HIP1: variants seen among roughly 807,000 people sequenced by gnomAD.
HIP1 encodes huntingtin-interacting protein 1.
Under a neutral mutation model 147.6 loss-of-function variants are expected in HIP1, and 65 were observed. That is an observed-to-expected ratio of 0.44 (90% confidence interval 0.36 to 0.54). The LOEUF (loss-of-function observed/expected upper bound fraction) is 0.54, where lower values mean the gene tolerates loss of function less well. Ranked by LOEUF, HIP1 falls within the 20% of genes least tolerant of loss-of-function variation. HIP1 has a pLI of 0.00. For synonymous variants in HIP1, 479 were observed against 504.0 expected (o/e 0.95, Z 0.67); for missense variants, 1,061 against 1,299.6 (o/e 0.82, Z 2.82).
chr7:75,583,345 G>T (rs930643172), intron 5 of HIP1, among the ~76,000 whole-genome samples: 49 of 152,172 alleles, frequency 3.2e-4, no homozygotes, highest in African/African-American at 1.1e-3. Context: ...CCTGGAGAAA[G>T]ACTCACAGCT....
intron 1 of HIP1, among the ~76,000 whole-genome samples, chr7:75,693,888 T>A (rs7803077): frequency 6.8e-6 from 1 of 147,784 alleles, no homozygotes; most frequent in South Asian, 2.1e-4. Context: ...GTGTGGCTCT[T>A]GAAAAGTTCA....
At chr7:75,600,564 T>G (rs1796938264) in intron 1 of HIP1, among the ~76,000 whole-genome samples, 1 of 152,184 alleles carries the variant, frequency 6.6e-6, no homozygotes, top group South Asian at 2.1e-4. Flanking sequence ...ATAACCCATG[T>G]TAAAAACCTG....
intron 1 of HIP1, among the ~76,000 whole-genome samples, chr7:75,698,794 G>A (rs919713037): frequency 6.6e-5 from 10 of 151,768 alleles, no homozygotes; most frequent in African/African-American, 2.4e-4. Flanking sequence ...ACTCCAGCCT[G>A]GATGACAGAG....
chr7:75,572,747 C>T (rs1380114594), intron 8 of HIP1, among the ~76,000 whole-genome samples: 2 of 152,188 alleles, frequency 1.3e-5, no homozygotes, highest in Non-Finnish European at 2.9e-5. Flanking sequence ...AGGAACCCTA[C>T]CTTCCCAGGT....
intron 4 of HIP1, among the ~76,000 whole-genome samples, chr7:75,588,086 G>A (rs1296696276): frequency 1.3e-5 from 2 of 152,148 alleles, no homozygotes; most frequent in East Asian, 3.8e-4. Context: ...CCTCCCTAAG[G>A]ACTATGAAGA....
At chr7:75,542,006 T>C (rs781797433) in intron 28 of HIP1, 26 bp from the exon 29 acceptor site, 2 of 1,601,654 alleles carry the variant, frequency 1.2e-6, no homozygotes. Flanking sequence ...CAAGAAGGTC[T>C]CATCAAATTC....
At position 75,547,610 on chromosome 7, in the gene HIP1, C is replaced by G. The variant is rs1026886956; in HGVS notation, c.2465+145G>C. 30 of 728,202 alleles carry G rather than the reference C, an allele frequency of 4.1e-5. No homozygotes were observed. In the Admixed American group the frequency reaches 4.6e-4, roughly 11 times the overall value. The allele number at this position is 728,202 out of a possible 1,614,324, so 45.1% of individuals were successfully genotyped here. On this transcript the variant is annotated intron_variant, in intron 24 of 30. Coordinates refer to ENST00000336926, the MANE Select transcript of HIP1 (RefSeq NM_005338.7). ...AGCAATATTGCTGTCATCATTAATACTGTTATTGATGATTACATCAACTCA... is the reference window on the plus strand; with the variant it reads ...AGCAATATTGCTGTCATCATTAATAGTGTTATTGATGATTACATCAACTCA...
At chr7:75,615,711 T>C (rs1037865924) in intron 1 of HIP1, among the ~76,000 whole-genome samples, 1 of 152,060 alleles carries the variant, frequency 6.6e-6, no homozygotes, top group Non-Finnish European at 1.5e-5. Flanking sequence ...AGGTGGAGGT[T>C]GCAGTTGAGC....
rs587654896 is a variant in HIP1 at position 75,534,578 on chromosome 7, C to T, written c.*3594G>A. The T allele has an allele frequency of 4.0e-5, 7 of 175,416 alleles. No individual in the cohort carries two copies. Among genetic ancestry groups the T allele is most frequent in the East Asian group, 9.9e-5 (1 of 10,122 alleles). 10.9% of individuals were successfully genotyped at this position (175,416 alleles called of 1,614,324 possible). ...CCTCCCCAGTAGCTGGGATTATAGG[C>T]GCCTGCCACCATGCCCGGCTAATTT... On this transcript the variant is annotated 3_prime_UTR_variant, in exon 31 of 31. Transcript: ENST00000336926.
At position 75,699,413 on chromosome 7, in the gene HIP1, G is replaced by T. The variant is rs373800472; in HGVS notation, c.120+39388C>A. On this transcript the variant is annotated intron_variant, in intron 1 of 30. Coordinates refer to ENST00000336926, the MANE Select transcript of HIP1 (RefSeq NM_005338.7). ...TTAATTCTAAGACCTTTTTTCCATC[G>T]ATCTCCTGGGTTTTCAGTGGATAGA... 2.0e-5 allele frequency among the ~76,000 whole-genome samples: 3 copies of T among 151,792 alleles called. No individual in the cohort carries two copies. The East Asian group carries it at 5.8e-4, about 29-fold the overall frequency.
In HIP1 at chr7:75,603,084, C is replaced by CG. The variant is rs1444483277; in HGVS notation, c.121-3838_121-3837insC. ...CTTCCCGGCCGGGCGCAGTGACTCA[C>CG]ACCTGTCATCCCAGCACTTTGAGAG... On this transcript the variant is annotated intron_variant, in intron 1 of 30. Transcript: ENST00000336926. Among the ~76,000 whole-genome samples, 569 of 118,172 alleles carry CG rather than the reference C, an allele frequency of 4.8e-3. 5 individuals are homozygous for CG. The highest frequency in any genetic ancestry group is 0.02 in the African/African-American group (539 of 26,978). 77.5% of individuals were successfully genotyped at this position (118,172 alleles called of 152,430 possible).
At chr7:75,724,494 C>T (rs1443018854) in intron 1 of HIP1, among the ~76,000 whole-genome samples, 2 of 152,016 alleles carry the variant, frequency 1.3e-5, no homozygotes, top group Non-Finnish European at 2.9e-5. Context: ...GTGATCTGCC[C>T]GCCTTGCCCT....
At chr7:75,575,032 C>T (rs1222324111) in intron 7 of HIP1, among the ~76,000 whole-genome samples, 1 of 152,090 alleles carries the variant, frequency 6.6e-6, no homozygotes, top group African/African-American at 2.4e-5. Flanking sequence ...ATGGCTCACG[C>T]CTGTAATCCC....
chr7:75,722,023 G>A (rs892343666), intron 1 of HIP1, among the ~76,000 whole-genome samples: 6 of 152,232 alleles, frequency 3.9e-5, no homozygotes, highest in Admixed American at 1.3e-4. Flanking sequence ...ATAACTGCAC[G>A]CTAGGCGTGG....
intron 1 of HIP1, among the ~76,000 whole-genome samples, chr7:75,719,231 G>T (rs1008133918): frequency 2.6e-5 from 4 of 152,044 alleles, no homozygotes; most frequent in Non-Finnish European, 5.9e-5. Context: ...TAGGCCGGGC[G>T]TGGTGGCTCA....
At chr7:75,692,142 C>G (rs540907296) in intron 1 of HIP1, among the ~76,000 whole-genome samples, 4 of 152,180 alleles carry the variant, frequency 2.6e-5, no homozygotes, top group Non-Finnish European at 5.9e-5. Flanking sequence ...TTGTCTCCCC[C>G]CGTCCCAATT....
At chr7:75,589,510 C>A (rs587730056) in intron 4 of HIP1, among the ~76,000 whole-genome samples, 1 of 151,682 alleles carries the variant, frequency 6.6e-6, no homozygotes, top group Admixed American at 6.6e-5. Flanking sequence ...CATGGCAAAA[C>A]CGTGTCTCCA....
At chr7:75,712,705 C>T (rs1554520210) in intron 1 of HIP1, among the ~76,000 whole-genome samples, 1 of 152,162 alleles carries the variant, frequency 6.6e-6, no homozygotes, top group Non-Finnish European at 1.5e-5. Flanking sequence ...CACTCATTTA[C>T]TCACTCTGTC....
At chr7:75,651,731 T>A (rs2117189234) in intron 1 of HIP1, among the ~76,000 whole-genome samples, 1 of 152,282 alleles carries the variant, frequency 6.6e-6, no homozygotes, top group East Asian at 1.9e-4. Context: ...AGTTTCTCTG[T>A]CTATAAAACA....
Sources: allele counts gnomAD v4.1 joint callset (sites outside exome capture counted in the v4.1 genomes callset), GRCh38; gene constraint gnomAD v4.1.1; transcripts MANE v1.5; gene names NCBI Gene and HGNC (gene_info 2026-07-23, HGNC 2026-07-21).